The following SLC3A1 variants were observed in gnomAD, a reference collection of about 807,000 sequenced individuals.
SLC3A1 encodes the protein solute carrier family 3 member 1.
SLC3A1 carries 78 observed loss-of-function variants against 60.3 expected under a neutral mutation model. The ratio of observed to expected loss-of-function variants is 1.29; its 90% CI spans 1.08 to 1.56. The LOEUF is 1.56. SLC3A1 is among the 40% of genes most tolerant of loss of function. The probability of loss-of-function intolerance (pLI) is 0.00; values close to 1 mark genes in which losing one functional copy is unlikely to be tolerated. For synonymous variants in SLC3A1, 392 were observed against 307.9 expected, an observed-to-expected ratio of 1.27 and a Z score of -2.86; for missense variants, 1,172 against 858.9, an observed-to-expected ratio of 1.36 and a Z score of -4.56.
At chr2:44,310,896 T>C (rs780693989) in intron 7 of SLC3A1, among the ~76,000 whole-genome samples, 31 of 152,082 alleles carry the variant, frequency 2.0e-4, no homozygotes, top group Non-Finnish European at 2.6e-4. Flanking sequence ...TGTCCTGTGC[T>C]CAATTTTCCC....
intron 7 of SLC3A1, among the ~76,000 whole-genome samples, chr2:44,307,757 A>G: frequency 6.6e-6 from 1 of 151,978 alleles, no homozygotes; most frequent in Non-Finnish European, 1.5e-5. Flanking sequence ...ATTTGCAAGT[A>G]TTTTCTCCCA....
chr2:44,319,427 A>G (rs536045486), intron 9 of SLC3A1: 4 of 152,650 alleles, frequency 2.6e-5, no homozygotes, highest in African/African-American at 4.8e-5. Flanking sequence ...TAGAAACACT[A>G]TCGTCAAAAT....
chr2:44,295,226 G>C (rs1671823142), intron 4 of SLC3A1, among the ~76,000 whole-genome samples: 1 of 152,160 alleles, frequency 6.6e-6, no homozygotes, highest in Non-Finnish European at 1.5e-5. Flanking sequence ...TTTTCACTCA[G>C]AGCAGCGAGC....
rs368784606 is a variant in SLC3A1, at chr2:44,320,588, C to G, written c.2007C>G (p.Ser669=). ...QTAFRDRCFV[S]NRACYSSVLN... ...CTTTCAGAGATAGATGCTTTGTTTC[C>G]AATCGAGCATGCTATTCCAGTGTAC... is the stretch of plus-strand genomic sequence containing the variant. Residue 669 remains serine (S), a synonymous_variant, in exon 10 of 10, where the codon TCC becomes TCG. Transcript: ENST00000260649. 6.2e-7 allele frequency: 1 copy of G among 1,614,000 alleles called. No homozygotes were observed. The highest frequency in any genetic ancestry group is 2.2e-5 in the East Asian group (1 of 44,882).
chr2:44,309,519 G>A (rs377382506), intron 7 of SLC3A1, among the ~76,000 whole-genome samples: 1 of 152,312 alleles, frequency 6.6e-6, no homozygotes, highest in African/African-American at 2.4e-5. Flanking sequence ...AACCAATGGT[G>A]TACAAGTATC....
intron 1 of SLC3A1, among the ~76,000 whole-genome samples, chr2:44,277,628 T>C (rs1671379788): frequency 6.6e-6 from 1 of 152,192 alleles, no homozygotes; most frequent in Non-Finnish European, 1.5e-5. Context: ...TCATGACCTA[T>C]GACCTGCTGC....
chr2:44,280,909 A>G lies in SLC3A1; in HGVS notation c.610+14A>G, dbSNP rs370095960. 16 of 1,611,454 alleles carry G rather than the reference A, an allele frequency of 9.9e-6. No individual in the cohort carries two copies. The highest frequency in any genetic ancestry group is 1.7e-5 in the Admixed American group (1 of 59,996). On this transcript the variant is annotated intron_variant, in intron 2 of 9. Transcript: ENST00000260649. The stretch of plus-strand genomic sequence containing the variant: ...TACATGATAAAGGTAAGTTGAATGG[A>G]AAGTGGGCAAGATGGGGATGAGGTT...
rs144293821 is a variant in SLC3A1 at position 44,320,760 on chromosome 2, T to C, written c.*121T>C. ...TTAATTCTTCGATATTTCTGTAGCT[T>C]GAATGTAACTGCTTTAAGAAAGGTT... is the stretch of plus-strand genomic sequence containing the variant. On this transcript the variant is annotated 3_prime_UTR_variant, in exon 10 of 10. Coordinates refer to ENST00000260649, the MANE Select transcript of SLC3A1 (RefSeq NM_000341.4). 1.2e-4 allele frequency: 102 copies of C among 824,340 alleles called. No homozygotes were observed. In the African/African-American group the frequency reaches 1.6e-3, roughly 13 times the overall value. The allele number at this position is 824,340 out of a possible 1,614,324, so 51.1% of individuals were successfully genotyped here. A position where few individuals can be genotyped will look rare whatever the true frequency, so the allele number is the denominator to read the frequency against.
chr2:44,320,517 C>T lies in SLC3A1; in HGVS notation c.1936C>T (p.Leu646Phe). ...CATTTTTCTGGACAAGGGAGAGGGA[C>T]TCATCTTTGAACACAACACGAAGAA... is the stretch of plus-strand genomic sequence containing the variant. ...SGIFLDKGEG[L>F]IFEHNTKNLL... Residue 646 changes from leucine to phenylalanine, a missense_variant, in exon 10 of 10, where the codon CTC becomes TTC. Leu to Phe is a conservative substitution (Grantham distance 22). Transcript: ENST00000260649. 2 of 1,614,110 alleles carry T rather than the reference C, an allele frequency of 1.2e-6. No individual in the cohort carries two copies. Among genetic ancestry groups the T allele is most frequent in the South Asian group, 1.1e-5 (1 of 91,086 alleles).
intron 4 of SLC3A1, among the ~76,000 whole-genome samples, chr2:44,297,270 C>T (rs13386554): frequency 6.5e-4 from 99 of 152,272 alleles, no homozygotes; most frequent in African/African-American, 2.2e-3. Flanking sequence ...GAGCAGGTGC[C>T]GGAGCCGGAG....
intron 6 of SLC3A1, among the ~76,000 whole-genome samples, chr2:44,303,245 A>AT (rs113167902): frequency 0.12 from 16,328 of 136,532 alleles, 1,052 homozygotes; most frequent in African/African-American, 0.15. Context: ...CTGAGATCCA[A>AT]TTTTTTTTTT....
At chr2:44,303,687 T>C in intron 6 of SLC3A1, 1 of 258,074 alleles carries the variant, frequency 3.9e-6, no homozygotes, top group Non-Finnish European at 7.7e-6. Flanking sequence ...CCCATCAACT[T>C]GTCATTTACA....
At chr2:44,310,426 C>T (rs1260767399) in intron 7 of SLC3A1, among the ~76,000 whole-genome samples, 1 of 151,440 alleles carries the variant, frequency 6.6e-6, no homozygotes, top group Non-Finnish European at 1.5e-5. Flanking sequence ...TCTTGGTTTA[C>T]AGTTCTTTCT....
intron 3 of SLC3A1, 45 bp downstream of exon 3, chr2:44,281,586 A>G (rs1299731523): frequency 1.9e-6 from 3 of 1,578,538 alleles, no homozygotes; most frequent in African/African-American, 1.3e-5. Flanking sequence ...AAAGGCAGAT[A>G]TGTAGTGATT....
At chr2:44,288,369 C>T (rs1671664444) in intron 4 of SLC3A1, among the ~76,000 whole-genome samples, 1 of 152,090 alleles carries the variant, frequency 6.6e-6, no homozygotes, top group Non-Finnish European at 1.5e-5. Context: ...AACCCCATAT[C>T]CATCAACAGT....
intron 9 of SLC3A1, among the ~76,000 whole-genome samples, chr2:44,317,459 C>CAAAAA (rs3074505): frequency 7.1e-6 from 1 of 141,624 alleles, no homozygotes; most frequent in African/African-American, 2.6e-5. Context: ...GAGATTGTGT[C>CAAAAA]AAAAAAAAAA....
intron 4 of SLC3A1, among the ~76,000 whole-genome samples, chr2:44,298,478 A>C (rs1671913602): frequency 6.6e-6 from 1 of 152,110 alleles, no homozygotes. Flanking sequence ...TTTTAGGTTC[A>C]AGCAATTCTC....
chr2:44,294,577 C>T (rs1055721032), intron 4 of SLC3A1, among the ~76,000 whole-genome samples: 3 of 152,096 alleles, frequency 2.0e-5, no homozygotes, highest in African/African-American at 7.2e-5. Context: ...CAGAAACCCT[C>T]CATACTATGT....
intron 4 of SLC3A1, among the ~76,000 whole-genome samples, chr2:44,294,630 C>T (rs1181399886): frequency 6.6e-6 from 1 of 152,136 alleles, no homozygotes. Context: ...TGCAGATGCC[C>T]TATGTCATGC....
Sources: gnomAD v4.1 joint callset for allele counts (sites outside exome capture counted in the v4.1 genomes callset) on GRCh38, gnomAD v4.1.1 for gene constraint, MANE v1.5 for transcripts, NCBI Gene and HGNC (gene_info 2026-07-23, HGNC 2026-07-21) for gene names.